RMI1: variants seen among roughly 807,000 people sequenced by gnomAD.
RMI1 encodes the protein RecQ mediated genome instability 1.
RMI1 carries 36 observed loss-of-function variants against 46.7 expected under a neutral mutation model. The ratio of observed to expected loss-of-function variants is 0.77; its 90% CI spans 0.59 to 1.02. RMI1 has a LOEUF of 1.02. Among genes scored for constraint, RMI1 ranks in the 50% least tolerant of loss-of-function variants. The pLI, the probability that RMI1 is intolerant of heterozygous loss-of-function variation, is 0.00. For synonymous variants in RMI1, 250 were observed against 252.9 expected, an observed-to-expected ratio of 0.99 and a Z score of 0.11; for missense variants, 676 against 713.7, an observed-to-expected ratio of 0.95 and a Z score of 0.60.
At chr9:83,994,384 A>C (rs1957619665) in intron 1 of RMI1, among the ~76,000 whole-genome samples, 1 of 152,140 alleles carries the variant, frequency 6.6e-6, no homozygotes, top group Admixed American at 6.6e-5. Context: ...TTTCAATGTC[A>C]TGAAGCTTTT....
At chr9:83,992,855 T>C (rs1014902949) in intron 1 of RMI1, 4 of 152,184 alleles carry the variant, frequency 2.6e-5, no homozygotes, top group African/African-American at 9.7e-5. Flanking sequence ...AGGGGTACTT[T>C]TATTATTCCT....
chr9:83,983,632 A>G (rs900568689), intron 1 of RMI1, among the ~76,000 whole-genome samples: 1 of 152,120 alleles, frequency 6.6e-6, no homozygotes, highest in African/African-American at 2.4e-5. Flanking sequence ...GGAATATATG[A>G]GGCTGACTGA....
At chr9:83,991,651 C>A (rs1299733660) in intron 1 of RMI1, among the ~76,000 whole-genome samples, 1 of 152,154 alleles carries the variant, frequency 6.6e-6, no homozygotes, top group Non-Finnish European at 1.5e-5. Context: ...TTTTAGGAAA[C>A]CAAGGTCACA....
chr9:83,991,931 GTTTTTC>G (rs1285107611), intron 1 of RMI1, among the ~76,000 whole-genome samples: 3 of 152,064 alleles, frequency 2.0e-5, no homozygotes, highest in Non-Finnish European at 4.4e-5. Flanking sequence ...CTCCAACTTT[GTTTTTC>G]TTTTTCAAAA....
chr9:83,987,666 A>G (rs1331801483), intron 1 of RMI1, among the ~76,000 whole-genome samples: 1 of 152,056 alleles, frequency 6.6e-6, no homozygotes, highest in East Asian at 1.9e-4. Flanking sequence ...CTCTTTCCAC[A>G]TTTCTGGCCT....
chr9:83,987,065 CCCCTT>C (rs1412133621), intron 1 of RMI1, among the ~76,000 whole-genome samples: 1 of 151,990 alleles, frequency 6.6e-6, no homozygotes, highest in Non-Finnish European at 1.5e-5. Context: ...CCCCTCCCCT[CCCCTT>C]CCCTTCGCTT....
chr9:84,003,534 G>A lies in RMI1; in HGVS notation c.*670G>A, dbSNP rs998544546. The A allele has an allele frequency of 6.6e-5, 11 of 166,428 alleles. No homozygotes were observed. The highest frequency in any genetic ancestry group is 2.4e-4 in the African/African-American group (10 of 41,342). The allele number at this position is 166,428 out of a possible 1,614,324, so 10.3% of individuals were successfully genotyped here. Reference sequence around the variant, plus strand: ...GCCATACCACCCTGAACATGCCTGAGCTTGTCATAATATGTTGAGTACCCA... The same window carrying A: ...GCCATACCACCCTGAACATGCCTGAACTTGTCATAATATGTTGAGTACCCA... On this transcript the variant is annotated 3_prime_UTR_variant, in exon 3 of 3. Transcript: ENST00000445877.
chr9:83,980,869 C>G lies in RMI1; in HGVS notation c.-148C>G, dbSNP rs975293239. 1 of 152,324 alleles carries G rather than the reference C, an allele frequency of 6.6e-6. No individual in the cohort carries two copies. The highest frequency in any genetic ancestry group is 2.4e-5 in the African/African-American group (1 of 41,450). The allele number at this position is 152,324 out of a possible 1,614,324, so 9.4% of individuals were successfully genotyped here. A position where few individuals can be genotyped will look rare whatever the true frequency, so the allele number is the denominator to read the frequency against. ...GCGCTGCCCAGGGACCGATGTTGCG[C>G]GAGGAAAATGCGGGACGCCCAGGTC... On this transcript the variant is annotated 5_prime_UTR_variant, in exon 1 of 3. Coordinates refer to ENST00000445877, the MANE Select transcript of RMI1 (RefSeq NM_001358291.2).
rs1374659968 is a variant in RMI1 at position 84,003,727 on chromosome 9, T to C, written c.*863T>C. ...ACTAGATGCTATTTCATAGATTATA[T>C]TGAATGATTTAAAACTTTATTTTCA... On this transcript the variant is annotated 3_prime_UTR_variant, in exon 3 of 3. Coordinates refer to ENST00000445877, the MANE Select transcript of RMI1 (RefSeq NM_001358291.2). The C allele has an allele frequency of 1.2e-5, 2 of 166,706 alleles. No homozygotes were observed. The highest frequency in any genetic ancestry group is 2.4e-5 in the African/African-American group (1 of 41,466). 10.3% of individuals were successfully genotyped at this position (166,706 alleles called of 1,614,324 possible).
rs1365401874 is a variant in RMI1 at position 84,001,272 on chromosome 9, A to G, written c.286A>G (p.Ser96Gly). The change falls in exon 3 of 3, where the codon AGT becomes GGT. Residue 96 changes from serine (S) to glycine (G), a missense_variant. Ser to Gly is a moderately conservative substitution (Grantham distance 56). Transcript: ENST00000445877. ...ALQINSLVDV[S>G]QPAYSQIQKL... ...GCAGATTAATTCCTTGGTTGATGTA[A>G]GTCAGCCTGCATACTCCCAGATACA... 1 of 1,614,134 alleles carries G rather than the reference A, an allele frequency of 6.2e-7. No homozygotes were observed. The highest frequency in any genetic ancestry group is 2.2e-5 in the East Asian group (1 of 44,880).
Position 84,002,427 on chromosome 9 carries a change from T to C in RMI1, c.1441T>C (p.Ser481Pro). ...LRSSENSINL[S>P]IAMDLYSPPF... is the part of the protein sequence containing the mutation. The stretch of plus-strand genomic sequence containing the variant: ...ATCATCAGAGAATAGCATTAATCTT[T>C]CTATTGCCATGGATTTGTATTCTCC... Residue 481 changes from serine (S) to proline (P), a missense_variant, in exon 3 of 3, where the codon TCT becomes CCT. Transcript: ENST00000445877. 6.2e-7 allele frequency: 1 copy of C among 1,613,810 alleles called. No individual in the cohort carries two copies. Among genetic ancestry groups the C allele is most frequent in the Non-Finnish European group, 8.5e-7 (1 of 1,179,872 alleles).
chr9:83,983,888 T>C (rs1957453621), intron 1 of RMI1, among the ~76,000 whole-genome samples: 1 of 152,198 alleles, frequency 6.6e-6, no homozygotes, highest in Non-Finnish European at 1.5e-5. Flanking sequence ...AAAATGTGAA[T>C]GTATTTCTTT....
chr9:83,992,670 C>T (rs1227906914), intron 1 of RMI1, among the ~76,000 whole-genome samples: 1 of 152,106 alleles, frequency 6.6e-6, no homozygotes, highest in African/African-American at 2.4e-5. Flanking sequence ...TTTGGGATTA[C>T]AAATAAATTT....
intron 1 of RMI1, among the ~76,000 whole-genome samples, chr9:83,993,763 T>G (rs976533735): frequency 6.6e-6 from 1 of 152,034 alleles, no homozygotes; most frequent in Non-Finnish European, 1.5e-5. Flanking sequence ...CATATGCTTA[T>G]TGACCATTGT....
In RMI1 at chr9:84,000,347, T is replaced by C. The variant is rs1957719650; in HGVS notation, c.-37+550T>C. Among the ~76,000 whole-genome samples, 10 of 152,316 alleles carry C rather than the reference T, an allele frequency of 6.6e-5. No homozygotes were observed. In the South Asian group the frequency reaches 2.1e-3, roughly 32 times the overall value. ...AATTCATAAGTTTTAAATTTAGTGC[T>C]GTTCCGAATAGTGTGATGAAATCAT... is the stretch of plus-strand genomic sequence containing the variant. On this transcript the variant is annotated intron_variant, in intron 2 of 2. Transcript: ENST00000445877.
chr9:83,995,448 A>T (rs2133120288), intron 1 of RMI1, among the ~76,000 whole-genome samples: 2 of 139,872 alleles, frequency 1.4e-5, no homozygotes, highest in South Asian at 2.2e-4. Context: ...TTTAATTGAG[A>T]CAAGAGTCTC....
At chr9:83,983,087 AC>A (rs1957443605) in intron 1 of RMI1, among the ~76,000 whole-genome samples, 3 of 152,222 alleles carry the variant, frequency 2.0e-5, no homozygotes, top group African/African-American at 7.2e-5. Context: ...GAGAATGTAC[AC>A]TATCCAGCTG....
rs143171256 is a variant in RMI1 at position 83,989,961 on chromosome 9, T to C, written c.-126+9070T>C. Among the ~76,000 whole-genome samples the C allele has an allele frequency of 6.9e-3, 1,045 of 152,278 alleles. 15 individuals are homozygous for C. The highest frequency in any genetic ancestry group is 0.024 in the African/African-American group (1,003 of 41,548). ...AAACCTGAATCCATCAGCAGACGAATGGATAAAGAAAATGTATATATACAC... is the reference window on the plus strand; with the variant it reads ...AAACCTGAATCCATCAGCAGACGAACGGATAAAGAAAATGTATATATACAC... On this transcript the variant is annotated intron_variant, in intron 1 of 2. Transcript: ENST00000445877.
chr9:83,984,784 A>C (rs924192942), intron 1 of RMI1, among the ~76,000 whole-genome samples: 1 of 152,046 alleles, frequency 6.6e-6, no homozygotes, highest in Non-Finnish European at 1.5e-5. Flanking sequence ...GCTGGTCTTG[A>C]ACTCCTGACC....
Sources: gnomAD v4.1 joint callset for allele counts (sites outside exome capture counted in the v4.1 genomes callset) on GRCh38, gnomAD v4.1.1 for gene constraint, MANE v1.5 for transcripts, NCBI Gene and HGNC (gene_info 2026-07-23, HGNC 2026-07-21) for gene names.